FBXW8: variants seen among roughly 807,000 people sequenced by gnomAD.
FBXW8 encodes the protein F-box/WD repeat-containing protein 8.
Under a neutral mutation model 65.3 loss-of-function variants are expected in FBXW8, and 57 were observed. That is an observed-to-expected ratio of 0.87 (90% CI 0.71 to 1.09). FBXW8 has a LOEUF of 1.09. Ranked by LOEUF, FBXW8 falls within the 50% of genes least tolerant of loss-of-function variation. FBXW8 has a pLI of 0.00. For missense variants in FBXW8, 777 were observed against 814.8 expected (o/e 0.95, Z 0.57); for synonymous variants, 308 against 330.2 (o/e 0.93, Z 0.73).
chr12:116,968,512 A>G (rs1884460900), intron 5 of FBXW8, among the ~76,000 whole-genome samples: 1 of 152,226 alleles, frequency 6.6e-6, no homozygotes, highest in South Asian at 2.1e-4. Flanking sequence ...TCCATTGTGT[A>G]TAAGCACTTT....
At chr12:116,970,920 C>T (rs1396592210) in intron 5 of FBXW8, among the ~76,000 whole-genome samples, 1 of 152,100 alleles carries the variant, frequency 6.6e-6, no homozygotes, top group Non-Finnish European at 1.5e-5. Context: ...ATCTAGTCTT[C>T]ATATTCAGAC....
chr12:116,983,518 T>C (rs1173924241), intron 5 of FBXW8, among the ~76,000 whole-genome samples: 1 of 152,236 alleles, frequency 6.6e-6, no homozygotes, highest in African/African-American at 2.4e-5. Flanking sequence ...CCAAATGTAT[T>C]ATTTTCTTCC....
intron 2 of FBXW8, among the ~76,000 whole-genome samples, chr12:116,930,261 G>GAA (rs1881666844): frequency 6.6e-6 from 1 of 152,192 alleles, no homozygotes; most frequent in African/African-American, 2.4e-5. Context: ...CTTAATGGCT[G>GAA]TGCTAATTTC....
At chr12:117,027,063 A>G (rs958123478) in intron 9 of FBXW8, among the ~76,000 whole-genome samples, 2 of 152,136 alleles carry the variant, frequency 1.3e-5, no homozygotes, top group Non-Finnish European at 1.5e-5. Flanking sequence ...GGAGGCAGCG[A>G]TGGGCCAGTC....
intron 1 of FBXW8, among the ~76,000 whole-genome samples, chr12:116,912,477 C>CG (rs935498728): frequency 3.4e-5 from 4 of 118,176 alleles, no homozygotes; most frequent in African/African-American, 1.4e-4. Context: ...TTTTTTGAGA[C>CG]GGAGTCTCGC....
intron 2 of FBXW8, among the ~76,000 whole-genome samples, chr12:116,933,445 T>A (rs1881927654): frequency 6.6e-6 from 1 of 152,202 alleles, no homozygotes; most frequent in South Asian, 2.1e-4. Flanking sequence ...GAAGAAGAGA[T>A]CCCCTTTTGG....
intron 7 of FBXW8, among the ~76,000 whole-genome samples, chr12:116,999,119 GT>G (rs1222205006): frequency 1.3e-3 from 194 of 152,324 alleles, no homozygotes; most frequent in Middle Eastern, 6.8e-3. Context: ...CCCTCGATGT[GT>G]TATTAATTTA....
chr12:117,018,300 T>C (rs1565944139), intron 8 of FBXW8, among the ~76,000 whole-genome samples: 1 of 152,232 alleles, frequency 6.6e-6, no homozygotes, highest in Non-Finnish European at 1.5e-5. Flanking sequence ...ATTTTTCCTT[T>C]CAATGGGCAA....
chr12:116,976,203 A>G (rs1488394219), intron 5 of FBXW8, among the ~76,000 whole-genome samples: 1 of 152,118 alleles, frequency 6.6e-6, no homozygotes, highest in East Asian at 1.9e-4. Context: ...ATGTTACATG[A>G]TTACTTAGAA....
At chr12:116,996,955 T>C (rs1362108865) in intron 7 of FBXW8, among the ~76,000 whole-genome samples, 2 of 152,212 alleles carry the variant, frequency 1.3e-5, no homozygotes, top group Non-Finnish European at 2.9e-5. Flanking sequence ...AACGAGGTCA[T>C]AACAAGACCT....
chr12:117,028,395 C>G lies in FBXW8; in HGVS notation c.*223C>G. On this transcript the variant is annotated 3_prime_UTR_variant, in exon 11 of 11. Transcript: ENST00000652555. The surrounding 1 kb of genome is among the most constrained non-coding windows in gnomAD (Gnocchi z 4.1). ...GAGTCCCACGTGCTGCCAACTCAAA[C>G]ATAGCCTCCTTCCCCACCCAGCTGG... is the stretch of plus-strand genomic sequence containing the variant. The G allele has an allele frequency of 1.7e-6, 1 of 591,230 alleles. No individual in the cohort carries two copies. Among genetic ancestry groups the G allele is most frequent in the Non-Finnish European group, 3.0e-6 (1 of 338,592 alleles). The allele number at this position is 591,230 out of a possible 1,614,324, so 36.6% of individuals were successfully genotyped here. A position where few individuals can be genotyped will look rare whatever the true frequency, so the allele number is the denominator to read the frequency against.
intron 2 of FBXW8, among the ~76,000 whole-genome samples, chr12:116,945,008 A>G (rs1882837016): frequency 6.6e-6 from 1 of 152,230 alleles, no homozygotes; most frequent in South Asian, 2.1e-4. Flanking sequence ...TGTCAAAAGT[A>G]AAGAGATTCC....
At chr12:116,996,283 A>G (rs1953371399) in intron 7 of FBXW8, among the ~76,000 whole-genome samples, 1 of 152,238 alleles carries the variant, frequency 6.6e-6, no homozygotes, top group Non-Finnish European at 1.5e-5. Context: ...CTCAGCTTAC[A>G]TCACGCTGGA....
At position 117,029,784 on chromosome 12, in the gene FBXW8, A is replaced by AT. The variant is rs1380126229; in HGVS notation, c.*1617dup. 3.9e-5 allele frequency: 6 copies of AT among 151,954 alleles called. No individual in the cohort carries two copies. Among genetic ancestry groups the AT allele is most frequent in the Non-Finnish European group, 7.4e-5 (5 of 68,004 alleles). The allele number at this position is 151,954 out of a possible 1,614,324, so 9.4% of individuals were successfully genotyped here. A position where few individuals can be genotyped will look rare whatever the true frequency, so the allele number is the denominator to read the frequency against. On this transcript the variant is annotated 3_prime_UTR_variant, in exon 11 of 11. Coordinates refer to ENST00000652555, the MANE Select transcript of FBXW8 (RefSeq NM_153348.3). ...GCTACCACAACTGGCTAATTTTTAC[A>AT]TTTTTAGTAGAGACGGGGGATATTG... is the stretch of plus-strand genomic sequence containing the variant.
At chr12:116,981,391 A>G (rs1355558526) in intron 5 of FBXW8, among the ~76,000 whole-genome samples, 1 of 152,248 alleles carries the variant, frequency 6.6e-6, no homozygotes, top group Admixed American at 6.5e-5. Flanking sequence ...GTGACAGTGA[A>G]AGAACTAGAA....
intron 7 of FBXW8, among the ~76,000 whole-genome samples, chr12:116,993,940 A>G (rs141066664): frequency 2.6e-5 from 4 of 152,284 alleles, no homozygotes; most frequent in African/African-American, 7.2e-5. Context: ...TTATTTTTCT[A>G]CATGTGGTTA....
chr12:116,960,755 A>G (rs1287179682), intron 4 of FBXW8, among the ~76,000 whole-genome samples: 1 of 152,218 alleles, frequency 6.6e-6, no homozygotes, highest in Non-Finnish European at 1.5e-5. Context: ...AGGCACTGTG[A>G]TGGAGGCTAT....
At position 117,024,203 on chromosome 12, in the gene FBXW8, A is replaced by G. The variant is rs1247977946; in HGVS notation, c.1424A>G (p.Gln475Arg). 1.2e-6 allele frequency: 2 copies of G among 1,614,168 alleles called. No homozygotes were observed. The highest frequency in any genetic ancestry group is 1.7e-6 in the Non-Finnish European group (2 of 1,180,028). ...GNIALSLSAH[Q>R]LRVSAVQMDD... ...ATCGCCCTGTCGCTCTCCGCCCATC[A>G]GCTCAGGGTCTCTGCTGTGCAGATG... The change falls in exon 9 of 11, where the codon CAG becomes CGG. Residue 475 changes from glutamine (Q) to arginine (R), a missense_variant. Physicochemically the swap from Gln to Arg is conservative, Grantham distance 43. Transcript: ENST00000652555.
In FBXW8 at chr12:116,911,105, C is replaced by G; in HGVS notation, c.68C>G (p.Pro23Arg). 7.1e-7 allele frequency: 1 copy of G among 1,399,178 alleles called. No individual in the cohort carries two copies. Among genetic ancestry groups the G allele is most frequent in the Non-Finnish European group, 9.2e-7 (1 of 1,085,958 alleles). 86.7% of individuals were successfully genotyped at this position (1,399,178 alleles called of 1,614,324 possible). ...GAGGAGCTGGCGCAGGCCCAGGCGC[C>G]GAAGAAGCGGCGACGGCCCGAGGCT... ...WQEELAQAQA[P>R]KKRRRPEAAE... The change falls in exon 1 of 11, where the codon CCG becomes CGG. Residue 23 changes from proline to arginine, a missense_variant. Coordinates refer to ENST00000652555, the MANE Select transcript of FBXW8 (RefSeq NM_153348.3).
Sources: allele counts gnomAD v4.1 joint callset (sites outside exome capture counted in the v4.1 genomes callset), GRCh38; gene constraint gnomAD v4.1.1; non-coding constraint Gnocchi (gnomAD v3.1); transcripts MANE v1.5; gene names NCBI Gene and HGNC (gene_info 2026-07-23, HGNC 2026-07-21).